Variants in SLC24A2 observed in about 807,000 individuals in gnomAD.
SLC24A2 encodes the protein sodium/potassium/calcium exchanger 2.
In SLC24A2, 36 loss-of-function variants were observed where a neutral mutation model predicts 62.0. The ratio of observed to expected loss-of-function variants is 0.58; its 90% CI spans 0.44 to 0.77. The LOEUF is 0.77. Among genes scored for constraint, SLC24A2 ranks in the 30% least tolerant of loss-of-function variants. The probability of loss-of-function intolerance (pLI) is 0.00; values close to 1 mark genes in which losing one functional copy is unlikely to be tolerated. For synonymous variants in SLC24A2, 358 were observed against 294.0 expected, an observed-to-expected ratio of 1.22 and a Z score of -2.23; for missense variants, 846 against 817.9, an observed-to-expected ratio of 1.03 and a Z score of -0.42.
chr9:19,605,644 C>A (rs1836963429), intron 4 of SLC24A2, among the ~76,000 whole-genome samples: 1 of 152,156 alleles, frequency 6.6e-6, no homozygotes, highest in African/African-American at 2.4e-5. Flanking sequence ...TATGATTGAA[C>A]CACTGAAAGC....
chr9:19,831,075 C>A, the SLC24A2 span, among the ~76,000 whole-genome samples: 5 of 152,126 alleles, frequency 3.3e-5, no homozygotes, highest in Admixed American at 6.5e-5. Flanking sequence ...AACCTTGAAC[C>A]CTTTTATAAG....
At chr9:19,670,589 G>A (rs1434270282) in intron 2 of SLC24A2, among the ~76,000 whole-genome samples, 8 of 152,050 alleles carry the variant, frequency 5.3e-5, no homozygotes, top group Non-Finnish European at 1.0e-4. Flanking sequence ...TACAGATGGG[G>A]GAATTTAGAT....
At chr9:20,103,948 T>G in the SLC24A2 span, among the ~76,000 whole-genome samples, 33 of 152,118 alleles carry the variant, frequency 2.2e-4, 1 homozygote, top group East Asian at 6.4e-3. Flanking sequence ...TTAAAAACTT[T>G]AAAAAAAATT....
chr9:19,761,832 T>C (rs1313100840), intron 2 of SLC24A2, among the ~76,000 whole-genome samples: 7 of 152,206 alleles, frequency 4.6e-5, no homozygotes, highest in Admixed American at 1.3e-4. Flanking sequence ...TATGGCTGCA[T>C]AGTATTCCGT....
At chr9:20,128,497 T>C in the SLC24A2 span, among the ~76,000 whole-genome samples, 1 of 152,148 alleles carries the variant, frequency 6.6e-6, no homozygotes, top group Non-Finnish European at 1.5e-5. Context: ...ATTTTAACTA[T>C]TGGGCTGCAT....
chr9:19,553,222 T>A (rs1255079376), intron 7 of SLC24A2, among the ~76,000 whole-genome samples: 2 of 152,288 alleles, frequency 1.3e-5, no homozygotes, highest in East Asian at 3.9e-4. Flanking sequence ...AAAATACTGT[T>A]CCAAGTTTGA....
At chr9:19,982,639 G>A in the SLC24A2 span, among the ~76,000 whole-genome samples, 1 of 152,102 alleles carries the variant, frequency 6.6e-6, no homozygotes. Context: ...ATTCTCAAAT[G>A]CGTCTGAAAA....
At chr9:19,905,211 G>A in the SLC24A2 span, among the ~76,000 whole-genome samples, 1 of 152,046 alleles carries the variant, frequency 6.6e-6, no homozygotes, top group East Asian at 1.9e-4. Context: ...GAAAAAGAGT[G>A]GGGTCTCACT....
chr9:19,680,213 G>T (rs1359781387), intron 2 of SLC24A2, among the ~76,000 whole-genome samples: 2 of 152,144 alleles, frequency 1.3e-5, no homozygotes, highest in African/African-American at 4.8e-5. Context: ...GGAACCAATA[G>T]GAGAAGCATC....
the SLC24A2 span, among the ~76,000 whole-genome samples, chr9:20,185,450 G>T: frequency 6.6e-6 from 1 of 151,856 alleles, no homozygotes; most frequent in South Asian, 2.1e-4. Flanking sequence ...CGGATCAAGA[G>T]GTCAGGAGAT....
the SLC24A2 span, among the ~76,000 whole-genome samples, chr9:20,121,752 A>G: frequency 6.6e-6 from 1 of 152,176 alleles, no homozygotes; most frequent in East Asian, 1.9e-4. Flanking sequence ...GCCACTCCTA[A>G]GCAGAAATTT....
chr9:19,552,373 C>T (rs149806582), intron 7 of SLC24A2, among the ~76,000 whole-genome samples: 357 of 152,330 alleles, frequency 2.3e-3, no homozygotes, highest in African/African-American at 8.2e-3. Flanking sequence ...ATTTTCCTGT[C>T]TGTTCCCTCC....
the SLC24A2 span, among the ~76,000 whole-genome samples, chr9:20,234,964 G>A: frequency 6.6e-6 from 1 of 152,204 alleles, no homozygotes; most frequent in African/African-American, 2.4e-5. Context: ...CTCAGCTGCA[G>A]GTCTGTTGGA....
the SLC24A2 span, among the ~76,000 whole-genome samples, chr9:20,064,512 G>GA: frequency 3.3e-5 from 5 of 151,494 alleles, no homozygotes; most frequent in African/African-American, 4.9e-5. Context: ...ATTTTTAAGG[G>GA]AAAAAAAAGC....
chr9:20,278,593 C>A, the SLC24A2 span, among the ~76,000 whole-genome samples: 5 of 152,338 alleles, frequency 3.3e-5, no homozygotes, highest in South Asian at 1.0e-3. Flanking sequence ...ACCACCTCAG[C>A]CTGGACTTTA....
chr9:19,930,664 G>A, the SLC24A2 span, among the ~76,000 whole-genome samples: 1 of 152,140 alleles, frequency 6.6e-6, no homozygotes, highest in Non-Finnish European at 1.5e-5. Flanking sequence ...TGCACATACA[G>A]ACATATTTAC....
the SLC24A2 span, among the ~76,000 whole-genome samples, chr9:20,265,402 C>T: frequency 2.0e-5 from 3 of 152,196 alleles, no homozygotes; most frequent in Non-Finnish European, 4.4e-5. Flanking sequence ...ATTTCATGGA[C>T]ATTTATTAGA....
At chr9:19,669,253 C>G (rs1438313129) in intron 2 of SLC24A2, among the ~76,000 whole-genome samples, 4 of 152,116 alleles carry the variant, frequency 2.6e-5, no homozygotes, top group Non-Finnish European at 5.9e-5. Flanking sequence ...GAGTGGAACA[C>G]AGCTCCCTTG....
chr9:20,224,498 G>T, the SLC24A2 span, among the ~76,000 whole-genome samples: 1 of 152,042 alleles, frequency 6.6e-6, no homozygotes, highest in African/African-American at 2.4e-5. Context: ...AATACTGGCA[G>T]AAAAAATAGA....
Sources: allele counts gnomAD v4.1 joint callset (sites outside exome capture counted in the v4.1 genomes callset), GRCh38; gene constraint gnomAD v4.1.1; transcripts MANE v1.5; gene names NCBI Gene and HGNC (gene_info 2026-07-23, HGNC 2026-07-21).